Variants in LIN7A observed in about 807,000 individuals in gnomAD.
The protein encoded by LIN7A is lin-7 cell polarity scaffold A.
In LIN7A, 25 loss-of-function variants were observed where a neutral mutation model predicts 29.8. The observed-to-expected ratio is 0.84, with a 90% CI of 0.61 to 1.17. The LOEUF (loss-of-function observed/expected upper bound fraction) is 1.17, where lower values mean the gene tolerates loss of function less well. Among genes scored for constraint, LIN7A ranks in the 50% most tolerant of loss-of-function variants. The pLI is 0.00. For missense variants in LIN7A, 239 were observed against 287.0 expected (o/e 0.83, Z 1.21); for synonymous variants, 118 against 107.5 (o/e 1.10, Z -0.60).
intron 2 of LIN7A, among the ~76,000 whole-genome samples, chr12:80,862,615 C>A (rs951701997): frequency 6.6e-6 from 1 of 152,174 alleles, no homozygotes; most frequent in Admixed American, 6.5e-5. Context: ...CACGTATTTT[C>A]TCTCTAAGGC....
chr12:80,830,100 C>T (rs911308083), intron 4 of LIN7A, among the ~76,000 whole-genome samples: 1 of 152,146 alleles, frequency 6.6e-6, no homozygotes, highest in Admixed American at 6.5e-5. Flanking sequence ...GGAGAACATG[C>T]AATTTTTTCT....
At chr12:80,808,945 T>C (rs1161317591) in intron 5 of LIN7A, among the ~76,000 whole-genome samples, 4 of 151,760 alleles carry the variant, frequency 2.6e-5, no homozygotes, top group Non-Finnish European at 4.4e-5. Context: ...ATCCCTATCT[T>C]TTCCCCCCTT....
At chr12:80,934,153 T>A (rs1247132506) in intron 1 of LIN7A, among the ~76,000 whole-genome samples, 1 of 152,218 alleles carries the variant, frequency 6.6e-6, no homozygotes, top group Non-Finnish European at 1.5e-5. Flanking sequence ...GAATATTGAA[T>A]GAATTAATAT....
chr12:80,901,583 T>C (rs1876216170), intron 1 of LIN7A, among the ~76,000 whole-genome samples: 1 of 152,152 alleles, frequency 6.6e-6, no homozygotes, highest in African/African-American at 2.4e-5. Flanking sequence ...AGTTCCCTTT[T>C]ATAGTGTTCA....
chr12:80,804,130 G>A lies in LIN7A; in HGVS notation c.*1-6404C>T, dbSNP rs544510952. The stretch of plus-strand genomic sequence containing the variant: ...ATATATATATTTATGGGGTCCATGA[G>A]ATGTTTTGATACAGACATGCAATGT... On this transcript the variant is annotated intron_variant, in intron 5 of 5. Coordinates refer to ENST00000552864, the MANE Select transcript of LIN7A (RefSeq NM_004664.4). 1.4e-4 allele frequency among the ~76,000 whole-genome samples: 21 copies of A among 152,192 alleles called. 1 individual carries two copies. In the South Asian group the frequency reaches 4.4e-3, roughly 32 times the overall value.
Position 80,818,843 on chromosome 12 carries a change from G to C in LIN7A, c.484-7160C>G, listed in dbSNP as rs77755026. 1.2e-3 allele frequency among the ~76,000 whole-genome samples: 185 copies of C among 152,204 alleles called. 1 individual carries two copies. The highest frequency in any genetic ancestry group is 3.9e-3 in the African/African-American group (164 of 41,528). On this transcript the variant is annotated intron_variant, in intron 4 of 5. Transcript: ENST00000552864. The stretch of plus-strand genomic sequence containing the variant: ...CCAAAATAGTAAAAGTCATCTTAAG[G>C]GTTTCTCTACAACCTTACTACAGAA...
chr12:80,868,085 G>A (rs956928945), intron 2 of LIN7A, among the ~76,000 whole-genome samples: 14 of 152,192 alleles, frequency 9.2e-5, no homozygotes, highest in African/African-American at 3.1e-4. Context: ...AATAACAGAT[G>A]ATTAGCAACT....
intron 5 of LIN7A, among the ~76,000 whole-genome samples, chr12:80,803,819 G>A (rs79671245): frequency 6.6e-6 from 1 of 152,120 alleles, no homozygotes; most frequent in African/African-American, 2.4e-5. Context: ...TTTGAAGTAT[G>A]GGGTACTATT....
intron 1 of LIN7A, among the ~76,000 whole-genome samples, chr12:80,897,201 AT>A (rs1875951660): frequency 6.7e-6 from 1 of 149,244 alleles, no homozygotes; most frequent in Non-Finnish European, 1.5e-5. Flanking sequence ...TTCAGCTTTC[AT>A]TTTTTTCTCC....
At chr12:80,856,615 A>G (rs894468140) in intron 2 of LIN7A, among the ~76,000 whole-genome samples, 2 of 152,156 alleles carry the variant, frequency 1.3e-5, no homozygotes, top group African/African-American at 4.8e-5. Flanking sequence ...CATTACTTTC[A>G]TTGGTATTTT....
chr12:80,912,702 G>T (rs1203428038), intron 1 of LIN7A, among the ~76,000 whole-genome samples: 1 of 125,380 alleles, frequency 8.0e-6, no homozygotes, highest in Admixed American at 9.4e-5. Flanking sequence ...GTGACAGACT[G>T]AGACTTGTCT....
chr12:80,843,006 A>G (rs958859621), intron 4 of LIN7A, among the ~76,000 whole-genome samples: 3 of 152,188 alleles, frequency 2.0e-5, no homozygotes, highest in African/African-American at 7.2e-5. Context: ...AGAGGTGGCT[A>G]CTATATGAGT....
intron 1 of LIN7A, among the ~76,000 whole-genome samples, chr12:80,918,222 T>A (rs895646342): frequency 4.6e-5 from 7 of 151,940 alleles, no homozygotes; most frequent in East Asian, 3.9e-4. Context: ...TGATATTTTT[T>A]TTTATTTATT....
In LIN7A at chr12:80,808,625, C is replaced by T. The variant is rs531802916; in HGVS notation, c.*2840G>A. Among the ~76,000 whole-genome samples, 24 of 151,808 alleles carry T rather than the reference C, an allele frequency of 1.6e-4. No individual in the cohort carries two copies. The South Asian group carries it at 4.4e-3, about 28-fold the overall frequency. ...GGTTCACGCCATTCTCCTGCCTCAGCCTCCTGAGTAGCTGGGACTACAGGC... is the reference window on the plus strand; with the variant it reads ...GGTTCACGCCATTCTCCTGCCTCAGTCTCCTGAGTAGCTGGGACTACAGGC... On this transcript the variant is annotated intron_variant, in intron 5 of 5. Transcript: ENST00000552864.
intron 5 of LIN7A, among the ~76,000 whole-genome samples, chr12:80,807,493 G>A (rs904356074): frequency 2.0e-5 from 3 of 152,132 alleles, no homozygotes; most frequent in African/African-American, 7.2e-5. Context: ...AATATTGGAA[G>A]TCTTTAGTAA....
At chr12:80,833,208 A>C (rs918054170) in intron 4 of LIN7A, among the ~76,000 whole-genome samples, 3 of 152,218 alleles carry the variant, frequency 2.0e-5, no homozygotes, top group African/African-American at 7.2e-5. Context: ...TAGACAACAC[A>C]ACCTCCAAGT....
chr12:80,814,981 A>G (rs1871464766), intron 4 of LIN7A, among the ~76,000 whole-genome samples: 1 of 152,192 alleles, frequency 6.6e-6, no homozygotes, highest in South Asian at 2.1e-4. Context: ...CAAATTATAT[A>G]ATTAAGCAGC....
chr12:80,908,709 G>A (rs1029428839), intron 1 of LIN7A, among the ~76,000 whole-genome samples: 1 of 151,912 alleles, frequency 6.6e-6, no homozygotes, highest in Non-Finnish European at 1.5e-5. Flanking sequence ...TCTCAGTGTA[G>A]TTTCAATTTG....
At chr12:80,817,390 G>A (rs1258881479) in intron 4 of LIN7A, among the ~76,000 whole-genome samples, 1 of 152,088 alleles carries the variant, frequency 6.6e-6, no homozygotes, top group Non-Finnish European at 1.5e-5. Flanking sequence ...AACTGGCTAA[G>A]TTTTTAGGCA....
Sources: allele counts gnomAD v4.1 joint callset (sites outside exome capture counted in the v4.1 genomes callset), GRCh38; gene constraint gnomAD v4.1.1; transcripts MANE v1.5; gene names NCBI Gene and HGNC (gene_info 2026-07-23, HGNC 2026-07-21).